Variants in GRIN1 observed in about 807,000 individuals in gnomAD.
GRIN1 encodes the protein glutamate receptor ionotropic, NMDA 1.
In GRIN1, 38 loss-of-function variants were observed where a neutral mutation model predicts 103.0. The ratio of observed to expected loss-of-function variants is 0.37; its 90% CI spans 0.28 to 0.48. GRIN1 has a LOEUF of 0.48. GRIN1 is among the 20% of genes least tolerant of loss of function. The probability of loss-of-function intolerance (pLI) is 0.98; values close to 1 mark genes in which losing one functional copy is unlikely to be tolerated. For missense variants in GRIN1, 577 were observed against 1,288.9 expected, an observed-to-expected ratio of 0.45 and a Z score of 8.46; for synonymous variants, 544 against 532.7, an observed-to-expected ratio of 1.02 and a Z score of -0.29.
Position 137,163,826 on chromosome 9 carries a change from C to T in GRIN1, c.2511C>T (p.Tyr837=), listed in dbSNP as rs1478532319. Residue 837 remains tyrosine, a synonymous_variant, in exon 18 of 20, where the codon TAC becomes TAT. Coordinates refer to ENST00000371561, the MANE Select transcript of GRIN1 (RefSeq NM_007327.4). ...TCCTGATTTTCATCGAGATTGCCTA[C>T]AAGCGGCACAAGGATGCTCGCCGGA... ...GIFLIFIEIA[Y]KRHKDARRKQ... The T allele has an allele frequency of 5.6e-6, 9 of 1,613,284 alleles. No individual in the cohort carries two copies. In the South Asian group the frequency reaches 7.7e-5, roughly 14 times the overall value.
chr9:137,160,864 G>A (rs1833496042), intron 8 of GRIN1, among the ~76,000 whole-genome samples, 192 bp from the exon 9 acceptor site: 1 of 152,218 alleles, frequency 6.6e-6, no homozygotes, highest in African/African-American at 2.4e-5. Context: ...GGCTGGGGAG[G>A]ACGTGTCCTG....
chr9:137,144,727 GGGGTGTGGGGACAGGAGTGAGAGGA>G lies in GRIN1; in HGVS notation c.394-998_394-974del, dbSNP rs1564343698. 5.3e-4 allele frequency among the ~76,000 whole-genome samples: 70 copies of G among 131,974 alleles called. 2 individuals carry two copies. The highest frequency in any genetic ancestry group is 2.1e-3 in the East Asian group (9 of 4,268). The allele number at this position is 131,974 out of a possible 152,430, so 86.6% of individuals were successfully genotyped here. A position where few individuals can be genotyped will look rare whatever the true frequency, so the allele number is the denominator to read the frequency against. ...TCCCAGGGTCTAGAAAGTGTCCCCA[GGGGTGTGGGGACAGGAGTGAGAGGA>G]AGGGGGTCCCAGGGTCCAGAAAGTG... On this transcript the variant is annotated intron_variant, in intron 2 of 19. Transcript: ENST00000371561.
At chr9:137,150,510 TAAAAGCCCCGCCCAGA>T (rs1832786335) in intron 4 of GRIN1, among the ~76,000 whole-genome samples, 1 of 78,304 alleles carries the variant, frequency 1.3e-5, no homozygotes, top group African/African-American at 5.3e-5. Context: ...TCCGCCCAGA[TAAAAGCCCCGCCCAGA>T]AAAAGACCCG....
chr9:137,167,984 CTGCCTGGCG>C lies in GRIN1; in HGVS notation c.*458_*466del. The C allele has an allele frequency of 1.3e-6, 1 of 779,010 alleles. No individual in the cohort carries two copies. Among genetic ancestry groups the C allele is most frequent in the Non-Finnish European group, 2.2e-6 (1 of 462,176 alleles). The allele number at this position is 779,010 out of a possible 1,614,324, so 48.3% of individuals were successfully genotyped here. A position where few individuals can be genotyped will look rare whatever the true frequency, so the allele number is the denominator to read the frequency against. On this transcript the variant is annotated 3_prime_UTR_variant, in exon 20 of 20. Coordinates refer to ENST00000371561, the MANE Select transcript of GRIN1 (RefSeq NM_007327.4). ...CCCGTCCGTCCGCCCGCCCACCCCGCTGCCTGGCGGGCAGCCCCTGCTGGACCAAGGTGC... is the reference window on the plus strand; with the variant it reads ...CCCGTCCGTCCGCCCGCCCACCCCGCGGCAGCCCCTGCTGGACCAAGGTGC...
Position 137,158,623 on chromosome 9 carries a change from C to T in GRIN1, c.1116C>T (p.Val372=). The T allele has an allele frequency of 2.5e-6, 4 of 1,612,636 alleles. No homozygotes were observed. The South Asian group carries it at 4.4e-5, about 18-fold the overall frequency. The change falls in exon 8 of 20, where the codon GTC becomes GTT. Residue 372 remains valine (V), a splice_region_variant and synonymous_variant. Transcript: ENST00000371561. ...VQVGIYNGTH[V]IPNDRKIIWP... ...CCATCTCATACTCCCACCCCCAGGT[C>T]ATCCCTAATGACAGGAAGATCATCT...
chr9:137,159,337 C>T (rs965172238), intron 8 of GRIN1, among the ~76,000 whole-genome samples: 3 of 152,336 alleles, frequency 2.0e-5, no homozygotes, highest in Non-Finnish European at 4.4e-5. Flanking sequence ...ACCTCACAGG[C>T]GACACGCCCA....
At chr9:137,144,469 A>G (rs1285618435) in intron 2 of GRIN1, among the ~76,000 whole-genome samples, 4 of 151,790 alleles carry the variant, frequency 2.6e-5, no homozygotes, top group South Asian at 2.1e-4. Flanking sequence ...CCTGGCTAAT[A>G]CGGTGAAACC....
intron 19 of GRIN1, among the ~76,000 whole-genome samples, chr9:137,166,866 G>A (rs1329741108): frequency 1.3e-5 from 2 of 152,206 alleles, no homozygotes; most frequent in Non-Finnish European, 2.9e-5. Context: ...TGGGGAAGAG[G>A]GGGTGTCCAG....
rs1054478828 is a variant in GRIN1, at chr9:137,156,511, G to T, written c.672-158G>T. ...CAACGGAGGCCTGGGAGGCTCCTGG[G>T]TTCTGGGCCGCAGCGCCTCTGCGAG... On this transcript the variant is annotated intron_variant, in intron 4 of 19. Coordinates refer to ENST00000371561, the MANE Select transcript of GRIN1 (RefSeq NM_007327.4). Among the ~76,000 whole-genome samples, 20 of 152,234 alleles carry T rather than the reference G, an allele frequency of 1.3e-4. 1 individual carries two copies. Among genetic ancestry groups the T allele is most frequent in the African/African-American group, 4.8e-4 (20 of 41,466 alleles).
rs143767330 is a variant in GRIN1, at chr9:137,161,598, C to T, written c.1467+182C>T. Among the ~76,000 whole-genome samples the T allele has an allele frequency of 0.035, 3,819 of 109,030 alleles. 259 individuals carry two copies. The highest frequency in any genetic ancestry group is 0.12 in the African/African-American group (3,511 of 29,326). The allele number at this position is 109,030 out of a possible 152,430, so 71.5% of individuals were successfully genotyped here. Reference sequence around the variant, plus strand: ...TGGGTAAAGCATGGGGTGGGCGGGGCCTGAGGGCTGGGTGGGGCCTGACAT... The same window carrying T: ...TGGGTAAAGCATGGGGTGGGCGGGGTCTGAGGGCTGGGTGGGGCCTGACAT... On this transcript the variant is annotated intron_variant, in intron 10 of 19. Coordinates refer to ENST00000371561, the MANE Select transcript of GRIN1 (RefSeq NM_007327.4).
intron 4 of GRIN1, among the ~76,000 whole-genome samples, chr9:137,150,365 A>C (rs1188436298): frequency 6.6e-6 from 1 of 151,468 alleles, no homozygotes; most frequent in African/African-American, 2.4e-5. Context: ...CGCCCAGAAA[A>C]AGACCTGCCC....
intron 8 of GRIN1, 56 bp downstream of exon 8, chr9:137,158,760 C>G (rs773503323): frequency 3.9e-6 from 5 of 1,296,692 alleles, no homozygotes; most frequent in Non-Finnish European, 5.6e-6. Flanking sequence ...CCATCCACCC[C>G]CTCTGGCCTG....
chr9:137,144,242 C>G (rs984346148), intron 2 of GRIN1, among the ~76,000 whole-genome samples: 5 of 152,082 alleles, frequency 3.3e-5, no homozygotes, highest in African/African-American at 1.2e-4. Flanking sequence ...TCCTCCATTT[C>G]CGAGATTATA....
At position 137,153,598 on chromosome 9, in the gene GRIN1, C is replaced by A. The variant is rs1161648790; in HGVS notation, c.672-3071C>A. Among the ~76,000 whole-genome samples, 3 of 152,160 alleles carry A rather than the reference C, an allele frequency of 2.0e-5. No individual in the cohort carries two copies. In the East Asian group the frequency reaches 5.8e-4, roughly 29 times the overall value. On this transcript the variant is annotated intron_variant, in intron 4 of 19. Transcript: ENST00000371561. ...GCATCTACACATACAGATACAGGCA[C>A]ACACACCACCATATACATCACATAC...
chr9:137,145,400 G>T (rs1196261562), intron 2 of GRIN1, among the ~76,000 whole-genome samples: 1 of 123,816 alleles, frequency 8.1e-6, no homozygotes, highest in East Asian at 2.5e-4. Flanking sequence ...GGGGTCCCAG[G>T]GTCTAGAAAG....
At chr9:137,158,754 C>A in intron 8 of GRIN1, 50 bp downstream of exon 8, 1 of 1,341,678 alleles carries the variant, frequency 7.5e-7, no homozygotes, top group South Asian at 1.2e-5. Flanking sequence ...GACAGCCCAT[C>A]CACCCCCTCT....
intron 4 of GRIN1, among the ~76,000 whole-genome samples, chr9:137,152,659 G>A (rs557107790): frequency 6.6e-6 from 1 of 152,218 alleles, no homozygotes; most frequent in East Asian, 1.9e-4. Flanking sequence ...CCAGCCTCAG[G>A]GCCAAGGTCA....
At position 137,165,223 on chromosome 9, in the gene GRIN1, AG is replaced by A. The variant is rs1205308926; in HGVS notation, c.2628del (p.Ala878ProfsTer177). 6.2e-7 allele frequency: 1 copy of A among 1,612,312 alleles called. No homozygotes were observed. Among genetic ancestry groups the A allele is most frequent in the Non-Finnish European group, 8.5e-7 (1 of 1,179,260 alleles). ...GGTAGAGCAGAGCCTGACCCTAAAA[AG>A]AAAGCCACATTTAGGGCTATCACCT... ...KSGRAEPDPK[K>X]KATFRAITST... On this transcript the variant is annotated frameshift_variant, in exon 19 of 20. Coordinates refer to ENST00000371561, the MANE Select transcript of GRIN1 (RefSeq NM_007327.4). LOFTEE classifies it high-confidence loss of function.
At chr9:137,148,105 ATCT>A (rs1832651403) in intron 3 of GRIN1, 1 of 1,252,942 alleles carries the variant, frequency 8.0e-7, no homozygotes, top group East Asian at 2.5e-5. Flanking sequence ...ACCGTTTATA[ATCT>A]TCTTCTGTGT....
Sources: gnomAD v4.1 joint callset for allele counts (sites outside exome capture counted in the v4.1 genomes callset) on GRCh38, gnomAD v4.1.1 for gene constraint, MANE v1.5 for transcripts, NCBI Gene and HGNC (gene_info 2026-07-23, HGNC 2026-07-21) for gene names.